Variants in LMNTD1 observed in about 807,000 individuals in gnomAD.
LMNTD1 encodes lamin tail domain containing 1, also known as lamin tail domain-containing protein 1.
A neutral mutation model predicts 50.9 loss-of-function variants in LMNTD1; 35 were observed. The ratio of observed to expected loss-of-function variants is 0.69; its 90% confidence interval spans 0.53 to 0.91. LMNTD1 has a LOEUF of 0.91. Among genes scored for constraint, LMNTD1 ranks in the 40% least tolerant of loss-of-function variants. The pLI is 0.00. For synonymous variants in LMNTD1, 153 were observed against 161.9 expected, an observed-to-expected ratio of 0.94 and a Z score of 0.42; for missense variants, 470 against 475.5, an observed-to-expected ratio of 0.99 and a Z score of 0.11.
chr12:25,599,245 T>C (rs1255096097), intron 1 of LMNTD1, among the ~76,000 whole-genome samples: 1 of 151,826 alleles, frequency 6.6e-6, no homozygotes, highest in African/African-American at 2.4e-5. Context: ...AAAAATTTCA[T>C]AAAATTCAAC....
intron 1 of LMNTD1, among the ~76,000 whole-genome samples, chr12:25,579,474 C>G (rs886477991): frequency 2.0e-5 from 3 of 152,096 alleles, no homozygotes; most frequent in Non-Finnish European, 2.9e-5. Context: ...GTCCTGGAAC[C>G]AATCCCCCAT....
At chr12:25,627,357 T>G (rs1196281196) in intron 1 of LMNTD1, among the ~76,000 whole-genome samples, 62 of 152,200 alleles carry the variant, frequency 4.1e-4, no homozygotes, top group Admixed American at 4.1e-3. Flanking sequence ...CAGACATTGT[T>G]AAAGGGAACT....
chr12:25,553,098 C>G lies in LMNTD1; in HGVS notation c.-60G>C. 1 of 1,613,614 alleles carries G rather than the reference C, an allele frequency of 6.2e-7. No homozygotes were observed. ...TAATCCAACTACCTTCAAGCATCAG[C>G]TAGGTTTAATAATTTCTTTACCAAA... On this transcript the variant is annotated 5_prime_UTR_variant, in exon 1 of 10. Transcript: ENST00000458174.
At chr12:25,553,414 A>G (rs1364265078), upstream of LMNTD1, 4 of 336,510 alleles carry the variant, frequency 1.2e-5, no homozygotes, top group Non-Finnish European at 2.0e-5. Flanking sequence ...CATTAAATAA[A>G]GTAATTTGCT....
chr12:25,633,244 C>T (rs1946759133), intron 1 of LMNTD1, among the ~76,000 whole-genome samples: 1 of 152,020 alleles, frequency 6.6e-6, no homozygotes. Flanking sequence ...TTCAATACTC[C>T]ACTGACAGCA....
intron 1 of LMNTD1, among the ~76,000 whole-genome samples, chr12:25,579,326 C>G (rs558459132): frequency 8.5e-5 from 13 of 152,204 alleles, no homozygotes; most frequent in Non-Finnish European, 1.8e-4. Context: ...ATATATATAG[C>G]ATTTACATTG....
intron 9 of LMNTD1, among the ~76,000 whole-genome samples, chr12:25,489,190 A>C (rs1465397998): frequency 6.6e-6 from 1 of 151,844 alleles, no homozygotes; most frequent in African/African-American, 2.4e-5. Context: ...TGTTTACCTA[A>C]GCAAGCCTGG....
At chr12:25,480,595 A>G (rs770363145) in intron 9 of LMNTD1, among the ~76,000 whole-genome samples, 16 of 152,118 alleles carry the variant, frequency 1.1e-4, no homozygotes, top group Non-Finnish European at 2.2e-4. Flanking sequence ...CTTTCCAAAT[A>G]CCAAGGATGG....
In LMNTD1 at chr12:25,509,529, C is replaced by T. The variant is rs192038691; in HGVS notation, c.1190-5729G>A. On this transcript the variant is annotated intron_variant, in intron 8 of 9. Transcript: ENST00000458174. ...TTGGAAAAACAGAAAATTTAGAGAACTTTAACTCCATTTAGTCCTCTCCCA... is the reference window on the plus strand; with the variant it reads ...TTGGAAAAACAGAAAATTTAGAGAATTTTAACTCCATTTAGTCCTCTCCCA... 3.2e-4 allele frequency among the ~76,000 whole-genome samples: 48 copies of T among 152,274 alleles called. 1 individual carries two copies. The highest frequency in any genetic ancestry group is 1.0e-3 in the African/African-American group (42 of 41,558).
At chr12:25,624,829 T>C (rs948436541) in intron 1 of LMNTD1, among the ~76,000 whole-genome samples, 2 of 152,258 alleles carry the variant, frequency 1.3e-5, no homozygotes, top group African/African-American at 4.8e-5. Flanking sequence ...AAATCACTTC[T>C]ACAAATAAGT....
At chr12:25,530,941 C>A (rs553390272) in intron 4 of LMNTD1, among the ~76,000 whole-genome samples, 100 of 152,218 alleles carry the variant, frequency 6.6e-4, no homozygotes, top group Middle Eastern at 3.4e-3. Flanking sequence ...CAACTGGAAG[C>A]AGAAGAGAGC....
intron 1 of LMNTD1, among the ~76,000 whole-genome samples, chr12:25,598,273 AG>A (rs1945883784): frequency 6.6e-6 from 1 of 152,166 alleles, no homozygotes; most frequent in South Asian, 2.1e-4. Flanking sequence ...GGGTCAATAA[AG>A]AAATTAAAAA....
At chr12:25,575,623 A>C (rs1272060167) in intron 1 of LMNTD1, among the ~76,000 whole-genome samples, 3 of 152,224 alleles carry the variant, frequency 2.0e-5, no homozygotes, top group Non-Finnish European at 4.4e-5. Flanking sequence ...TGCTTCTTTG[A>C]CATTTTAACC....
intron 9 of LMNTD1, among the ~76,000 whole-genome samples, chr12:25,490,842 T>C (rs1325988264): frequency 6.6e-6 from 1 of 152,232 alleles, no homozygotes; most frequent in Non-Finnish European, 1.5e-5. Context: ...TGGATTCTAA[T>C]TTGGTAGGTC....
intron 1 of LMNTD1, among the ~76,000 whole-genome samples, chr12:25,585,062 G>T (rs1945463111): frequency 6.6e-6 from 1 of 152,248 alleles, no homozygotes; most frequent in South Asian, 2.1e-4. Flanking sequence ...GAGGACAGCT[G>T]CCAGTTGGCA....
chr12:25,578,347 G>A (rs986432658), intron 1 of LMNTD1, among the ~76,000 whole-genome samples: 1 of 152,200 alleles, frequency 6.6e-6, no homozygotes, highest in Non-Finnish European at 1.5e-5. Flanking sequence ...TTTAAGGGCT[G>A]TAGGTTGGAA....
intron 1 of LMNTD1, among the ~76,000 whole-genome samples, chr12:25,605,413 T>C (rs1157058578): frequency 2.0e-5 from 3 of 152,210 alleles, no homozygotes; most frequent in Non-Finnish European, 4.4e-5. Flanking sequence ...ATGAAGTCCT[T>C]GCCCATGCCT....
At chr12:25,642,148 C>T (rs1477158976) in intron 1 of LMNTD1, among the ~76,000 whole-genome samples, 2 of 152,036 alleles carry the variant, frequency 1.3e-5, no homozygotes, top group African/African-American at 2.4e-5. Flanking sequence ...TTAAAGGGTC[C>T]AGGTAAGGAA....
In LMNTD1 at chr12:25,566,356, A is replaced by G. The variant is rs185229090; in HGVS notation, c.59-19802T>C. 2.0e-3 allele frequency among the ~76,000 whole-genome samples: 299 copies of G among 152,050 alleles called. 2 individuals carry two copies. The highest frequency in any genetic ancestry group is 6.9e-3 in the African/African-American group (284 of 41,444). On this transcript the variant is annotated intron_variant, in intron 1 of 7. Transcript: ENST00000445693. ...TTGGCTTCAGTTTCTTTATTCACTC[A>G]TTGATTGATGGCCATTTGGGTTGGC...
Sources: gnomAD v4.1 joint callset for allele counts (sites outside exome capture counted in the v4.1 genomes callset) on GRCh38, gnomAD v4.1.1 for gene constraint, MANE v1.5 for transcripts, NCBI Gene and HGNC (gene_info 2026-07-23, HGNC 2026-07-21) for gene names.